SLC39A11: variants seen among roughly 807,000 people sequenced by gnomAD.
The protein encoded by SLC39A11 is solute carrier family 39 member 11.
SLC39A11 carries 33 observed loss-of-function variants against 36.1 expected under a neutral mutation model. The ratio of observed to expected loss-of-function variants is 0.91; its 90% CI spans 0.69 to 1.22. The LOEUF is 1.22. Among genes scored for constraint, SLC39A11 ranks in the 50% most tolerant of loss-of-function variants. The pLI is 0.00. For missense variants in SLC39A11, 432 were observed against 430.3 expected, an observed-to-expected ratio of 1.00 and a Z score of -0.03; for synonymous variants, 166 against 170.3, an observed-to-expected ratio of 0.97 and a Z score of 0.20.
intron 5 of SLC39A11, among the ~76,000 whole-genome samples, chr17:72,913,190 CAA>C (rs35609182): frequency 0.017 from 2,513 of 145,882 alleles, 64 homozygotes; most frequent in African/African-American, 0.057. Flanking sequence ...GGTGTAGGGG[CAA>C]AAAAAAAAAT....
chr17:72,867,754 GCGCGCGCACA>G (rs199986313), intron 5 of SLC39A11, among the ~76,000 whole-genome samples: 6,545 of 89,760 alleles, frequency 0.073, 178 homozygotes, highest in African/African-American at 0.19. Flanking sequence ...TGAATGAAGT[GCGCGCGCACA>G]CACACACACA....
Position 72,943,798 on chromosome 17 carries a change from T to C in SLC39A11, c.430+3954A>G, listed in dbSNP as rs527448599. Among the ~76,000 whole-genome samples the C allele has an allele frequency of 2.6e-4, 40 of 152,292 alleles. No individual in the cohort carries two copies. The South Asian group carries it at 6.6e-3, about 25-fold the overall frequency. ...TGACAAAGTTCACTAGTGAAGAGTA[T>C]CTATAACTGCATCAGACCAATCTGG... is the stretch of plus-strand genomic sequence containing the variant. On this transcript the variant is annotated intron_variant, in intron 5 of 9. Coordinates refer to ENST00000255559, the MANE Select transcript of SLC39A11 (RefSeq NM_139177.4).
In SLC39A11 at chr17:72,793,228, T is replaced by G. The variant is rs186020974; in HGVS notation, c.601+56406A>C. Among the ~76,000 whole-genome samples the G allele has an allele frequency of 7.7e-4, 117 of 152,198 alleles. 1 individual carries two copies. The highest frequency in any genetic ancestry group is 2.7e-3 in the African/African-American group (111 of 41,534). The stretch of plus-strand genomic sequence containing the variant: ...ACCAGACAAAGGCTATTGTACACCC[T>G]GAGACAGAGAAGCAGGATGATCAAA... On this transcript the variant is annotated intron_variant, in intron 6 of 9. Transcript: ENST00000255559.
At chr17:72,857,787 T>G (rs2079728594) in intron 5 of SLC39A11, among the ~76,000 whole-genome samples, 1 of 152,208 alleles carries the variant, frequency 6.6e-6, no homozygotes, top group Non-Finnish European at 1.5e-5. Flanking sequence ...ATGTCTTCTT[T>G]CGAAAAGTGT....
At position 72,787,912 on chromosome 17, in the gene SLC39A11, C is replaced by T. The variant is rs189821405; in HGVS notation, c.602-51193G>A. Among the ~76,000 whole-genome samples the T allele has an allele frequency of 4.9e-3, 743 of 152,224 alleles. 24 individuals are homozygous for T. The highest frequency in any genetic ancestry group is 0.046 in the Admixed American group (696 of 15,290). On this transcript the variant is annotated intron_variant, in intron 6 of 9. Transcript: ENST00000255559. Reference sequence around the variant, plus strand: ...CAGTTATTTTGAGCTCTCATAGCACCGTGGCCCTCTCTGTTGTAGGTAGAT... The same window carrying T: ...CAGTTATTTTGAGCTCTCATAGCACTGTGGCCCTCTCTGTTGTAGGTAGAT...
In SLC39A11 at chr17:72,773,679, C is replaced by CA. The variant is rs57105900; in HGVS notation, c.602-36961_602-36960insT. On this transcript the variant is annotated intron_variant, in intron 6 of 9. Transcript: ENST00000255559. Reference sequence around the variant, plus strand: ...CACACACACACACACACACACACACCCAGTATATAAAGGATATCAGTGTCA... The same window carrying CA: ...CACACACACACACACACACACACACCACAGTATATAAAGGATATCAGTGTCA... 2.6e-3 allele frequency among the ~76,000 whole-genome samples: 380 copies of CA among 145,836 alleles called. 6 individuals carry two copies. Among genetic ancestry groups the CA allele is most frequent in the South Asian group, 4.5e-3 (21 of 4,658 alleles).
At chr17:72,939,423 C>T (rs571764808) in intron 5 of SLC39A11, among the ~76,000 whole-genome samples, 1 of 150,826 alleles carries the variant, frequency 6.6e-6, no homozygotes, top group Non-Finnish European at 1.5e-5. Context: ...TGCACCACTG[C>T]ACTCCAGCCT....
chr17:72,786,407 G>T (rs1228620663), intron 6 of SLC39A11, among the ~76,000 whole-genome samples: 1 of 152,058 alleles, frequency 6.6e-6, no homozygotes, highest in Admixed American at 6.5e-5. Flanking sequence ...CAATTTCAAA[G>T]GCAAATGTGC....
At chr17:72,829,547 T>C (rs1161329647) in intron 6 of SLC39A11, among the ~76,000 whole-genome samples, 1 of 151,962 alleles carries the variant, frequency 6.6e-6, no homozygotes, top group Non-Finnish European at 1.5e-5. Context: ...GGACTTTAAC[T>C]TAGAGGCAGA....
At chr17:72,988,553 T>C (rs1026597365) in intron 4 of SLC39A11, among the ~76,000 whole-genome samples, 2 of 152,122 alleles carry the variant, frequency 1.3e-5, no homozygotes, top group African/African-American at 4.8e-5. Context: ...GTCTTACTCA[T>C]TCTTATTCCA....
intron 4 of SLC39A11, among the ~76,000 whole-genome samples, chr17:73,013,263 TCTTTAATA>T (rs1456419890): frequency 6.6e-6 from 1 of 152,084 alleles, no homozygotes; most frequent in East Asian, 1.9e-4. Flanking sequence ...AATTTTTGTA[TCTTTAATA>T]GAGATGAGGT....
chr17:73,029,464 G>A (rs573043917), intron 4 of SLC39A11, among the ~76,000 whole-genome samples: 1 of 152,238 alleles, frequency 6.6e-6, no homozygotes, highest in South Asian at 2.1e-4. Flanking sequence ...CACAAAACCA[G>A]GGTGGCCTTG....
chr17:72,974,985 T>C (rs986328589), intron 4 of SLC39A11, among the ~76,000 whole-genome samples: 1 of 152,236 alleles, frequency 6.6e-6, no homozygotes, highest in African/African-American at 2.4e-5. Context: ...CTACAGCCTA[T>C]GTGTGCAGTA....
At chr17:72,913,968 C>T (rs2083176900) in intron 5 of SLC39A11, among the ~76,000 whole-genome samples, 1 of 150,624 alleles carries the variant, frequency 6.6e-6, no homozygotes, top group Admixed American at 6.6e-5. Context: ...CCCTCTGAGT[C>T]GGAACCCACA....
intron 6 of SLC39A11, among the ~76,000 whole-genome samples, chr17:72,834,121 G>A (rs114734291): frequency 9.1e-4 from 138 of 152,178 alleles, no homozygotes; most frequent in African/African-American, 3.0e-3. Context: ...AGGGTCTAGT[G>A]CAGTGTCATC....
chr17:72,969,363 G>A (rs1459682011), intron 4 of SLC39A11, among the ~76,000 whole-genome samples: 1 of 151,964 alleles, frequency 6.6e-6, no homozygotes, highest in Non-Finnish European at 1.5e-5. Flanking sequence ...AGAGAGGAGA[G>A]AGGGAAAAAG....
At chr17:72,950,639 A>C (rs1469202026) in intron 4 of SLC39A11, among the ~76,000 whole-genome samples, 2 of 152,162 alleles carry the variant, frequency 1.3e-5, no homozygotes, top group African/African-American at 4.8e-5. Flanking sequence ...TCTTTTTATA[A>C]TGTGATTGAT....
intron 7 of SLC39A11, among the ~76,000 whole-genome samples, chr17:72,734,996 A>G (rs1280073184): frequency 1.3e-5 from 2 of 152,196 alleles, no homozygotes; most frequent in Non-Finnish European, 2.9e-5. Context: ...TTAGAAGAGC[A>G]GTCTGCAGGG....
At chr17:72,847,537 C>G (rs371555893) in intron 6 of SLC39A11, among the ~76,000 whole-genome samples, 4 of 151,980 alleles carry the variant, frequency 2.6e-5, no homozygotes, top group Admixed American at 6.6e-5. Context: ...TACCTATGAT[C>G]GTATGATAGA....
Sources: allele counts gnomAD v4.1 joint callset (sites outside exome capture counted in the v4.1 genomes callset), GRCh38; gene constraint gnomAD v4.1.1; transcripts MANE v1.5; gene names NCBI Gene and HGNC (gene_info 2026-07-23, HGNC 2026-07-21).